AKAP13: variants seen among roughly 807,000 people sequenced by gnomAD.
AKAP13 encodes A-kinase anchoring protein 13.
AKAP13 carries 80 observed loss-of-function variants against 264.5 expected under a neutral mutation model. That is an observed-to-expected ratio of 0.30 (90% CI 0.25 to 0.36). The LOEUF is 0.36. Ranked by LOEUF, AKAP13 falls within the 10% of genes least tolerant of loss-of-function variation. The probability of loss-of-function intolerance (pLI) is 1.00; values close to 1 mark genes in which losing one functional copy is unlikely to be tolerated. For synonymous variants in AKAP13, 1,380 were observed against 1,250.2 expected, an observed-to-expected ratio of 1.10 and a Z score of -2.19; for missense variants, 3,712 against 3,435.2, an observed-to-expected ratio of 1.08 and a Z score of -2.01.
In AKAP13 at chr15:85,723,015, G is replaced by T. The variant is rs2087393202; in HGVS notation, c.6497-57G>T. The T allele has an allele frequency of 1.9e-6, 3 of 1,577,496 alleles. No homozygotes were observed. In the Admixed American group the frequency reaches 5.3e-5, roughly 28 times the overall value. ...TGGAGTGAGAAGTCAGGATTCCCTT[G>T]CTTCTGCCCTTGTCCAAAAAGAGCC... On this transcript the variant is annotated intron_variant, in intron 25 of 36. Coordinates refer to ENST00000394518, the MANE Select transcript of AKAP13 (RefSeq NM_007200.5).
chr15:85,737,856 C>T (rs1484361772), intron 33 of AKAP13, among the ~76,000 whole-genome samples: 1 of 152,010 alleles, frequency 6.6e-6, no homozygotes, highest in African/African-American at 2.4e-5. Flanking sequence ...CCAGGCTGGT[C>T]TCGAACTCCT....
At chr15:85,612,472 AAAATAGCATAAGGTTGTG>A (rs2080687085) in intron 8 of AKAP13, among the ~76,000 whole-genome samples, 1 of 152,154 alleles carries the variant, frequency 6.6e-6, no homozygotes, top group Non-Finnish European at 1.5e-5. Flanking sequence ...TTGGGTGGGA[AAAATAGCATAAGGTTGTG>A]AATTCATTTG....
intron 2 of AKAP13, among the ~76,000 whole-genome samples, chr15:85,509,564 C>T (rs1457807133): frequency 6.6e-6 from 1 of 152,132 alleles, no homozygotes; most frequent in African/African-American, 2.4e-5. Context: ...CCTAAGGAGC[C>T]TTGGGGTACT....
intron 1 of AKAP13, chr15:85,415,464 G>A (rs2072197012): frequency 1.3e-6 from 2 of 1,598,932 alleles, no homozygotes; most frequent in East Asian, 2.2e-5. Context: ...CACAGCTGAT[G>A]GCAGAAAAAC....
chr15:85,517,690 A>G (rs1018715009), intron 2 of AKAP13, among the ~76,000 whole-genome samples: 2 of 152,132 alleles, frequency 1.3e-5, no homozygotes, highest in South Asian at 2.1e-4. Context: ...TTATTTGCAA[A>G]TAAGTGATTT....
At chr15:85,472,662 G>C (rs969443927) in intron 1 of AKAP13, among the ~76,000 whole-genome samples, 30 of 152,112 alleles carry the variant, frequency 2.0e-4, no homozygotes, top group African/African-American at 6.3e-4. Flanking sequence ...ACTCCTCTTA[G>C]TAGGAAACTC....
chr15:85,518,476 G>C (rs1294533861), intron 2 of AKAP13, among the ~76,000 whole-genome samples: 1 of 152,142 alleles, frequency 6.6e-6, no homozygotes, highest in Non-Finnish European at 1.5e-5. Flanking sequence ...CTCTTCTCTT[G>C]AATATTTTGG....
chr15:85,688,862 T>C (rs1434536630), intron 16 of AKAP13, among the ~76,000 whole-genome samples: 1 of 152,214 alleles, frequency 6.6e-6, no homozygotes, highest in African/African-American at 2.4e-5. Context: ...GCAGGAAGAC[T>C]GGCAGTTTCT....
rs771074081 is a variant in AKAP13 at position 85,735,192 on chromosome 15, A to G, written c.7441+42A>G. On this transcript the variant is annotated intron_variant, in intron 31 of 36. Coordinates refer to ENST00000394518, the MANE Select transcript of AKAP13 (RefSeq NM_007200.5). ...CATGAGCTTTTATAGGCAATCCTTG[A>G]CTATCTCACACAACTCAAAATGACT... The G allele has an allele frequency of 2.1e-5, 33 of 1,585,288 alleles. No individual in the cohort carries two copies. The East Asian group carries it at 5.8e-4, about 28-fold the overall frequency.
chr15:85,385,701 C>T (rs925641951), intron 1 of AKAP13, among the ~76,000 whole-genome samples: 1 of 152,122 alleles, frequency 6.6e-6, no homozygotes, highest in Non-Finnish European at 1.5e-5. Context: ...GATTATTTGT[C>T]ATTCTTTGAT....
chr15:85,715,735 G>A, intron 19 of AKAP13, 53 bp from the exon 20 acceptor site: 2 of 1,552,900 alleles, frequency 1.3e-6, no homozygotes, highest in Non-Finnish European at 1.7e-6. Flanking sequence ...AGATGGGTCA[G>A]TACCAGGTGG....
chr15:85,409,421 G>T (rs564140136), intron 1 of AKAP13, among the ~76,000 whole-genome samples: 1 of 151,616 alleles, frequency 6.6e-6, no homozygotes, highest in African/African-American at 2.4e-5. Flanking sequence ...CAGGTGATCT[G>T]CCTGCCTCGG....
rs550932970 is a variant in AKAP13, at chr15:85,708,980, T to A, written c.5532+894T>A. On this transcript the variant is annotated intron_variant, in intron 18 of 36. Coordinates refer to ENST00000394518, the MANE Select transcript of AKAP13 (RefSeq NM_007200.5). The surrounding 1 kb of genome is among the most constrained non-coding windows in gnomAD (Gnocchi z 4.3). ...GTAAGTTCCCAGATGATGCTGATAG[T>A]CCGAGGACCTTACTTTGAGAAGCAC... Among the ~76,000 whole-genome samples the A allele has an allele frequency of 6.6e-6, 1 of 152,318 alleles. No individual in the cohort carries two copies. The highest frequency in any genetic ancestry group is 2.4e-5 in the African/African-American group (1 of 41,580).
intron 1 of AKAP13, among the ~76,000 whole-genome samples, chr15:85,482,607 AAC>A (rs1016705273): frequency 3.3e-5 from 5 of 152,146 alleles, no homozygotes; most frequent in East Asian, 1.9e-4. Flanking sequence ...TGGGGGGAAA[AAC>A]ACACGTTTTA....
chr15:85,747,887 C>T lies in AKAP13; in HGVS notation c.*3210C>T, dbSNP rs1310919606. The T allele has an allele frequency of 6.5e-6, 1 of 153,190 alleles. No individual in the cohort carries two copies. The highest frequency in any genetic ancestry group is 1.5e-5 in the Non-Finnish European group (1 of 68,026). 9.5% of individuals were successfully genotyped at this position (153,190 alleles called of 1,614,324 possible). A position where few individuals can be genotyped will look rare whatever the true frequency, so the allele number is the denominator to read the frequency against. On this transcript the variant is annotated 3_prime_UTR_variant, in exon 37 of 37. Coordinates refer to ENST00000394518, the MANE Select transcript of AKAP13 (RefSeq NM_007200.5). Reference sequence around the variant, plus strand: ...AGTCGCCCCTTTGCTCATTTTCTCCCGTATTTGTTACCTTCCTGAGGCCTC... The same window carrying T: ...AGTCGCCCCTTTGCTCATTTTCTCCTGTATTTGTTACCTTCCTGAGGCCTC...
chr15:85,589,285 CTT>C (rs2079489624), intron 8 of AKAP13, among the ~76,000 whole-genome samples: 1 of 152,032 alleles, frequency 6.6e-6, no homozygotes, highest in Non-Finnish European at 1.5e-5. Context: ...CATATGGTCT[CTT>C]AAAACTAGTA....
intron 16 of AKAP13, among the ~76,000 whole-genome samples, chr15:85,691,615 A>G (rs2085291209): frequency 6.6e-6 from 1 of 152,206 alleles, no homozygotes; most frequent in Non-Finnish European, 1.5e-5. Flanking sequence ...TTAAGGTGAC[A>G]TGGCCAACTT....
intron 14 of AKAP13, among the ~76,000 whole-genome samples, chr15:85,679,419 G>A (rs2084456537): frequency 6.6e-6 from 1 of 152,262 alleles, no homozygotes; most frequent in Admixed American, 6.5e-5. Flanking sequence ...CTACTAGTAA[G>A]AATTATGTGT....
At chr15:85,617,064 T>C (rs184841002) in intron 8 of AKAP13, among the ~76,000 whole-genome samples, 5 of 152,332 alleles carry the variant, frequency 3.3e-5, no homozygotes, top group Admixed American at 1.3e-4. Flanking sequence ...CAGAAAATTA[T>C]ATTATTTTGA....
Sources: allele counts gnomAD v4.1 joint callset (sites outside exome capture counted in the v4.1 genomes callset), GRCh38; gene constraint gnomAD v4.1.1; non-coding constraint Gnocchi (gnomAD v3.1); transcripts MANE v1.5; gene names NCBI Gene and HGNC (gene_info 2026-07-23, HGNC 2026-07-21).